The following TRAK1 variants were observed in gnomAD, a reference collection of about 807,000 sequenced individuals.
TRAK1 encodes trafficking kinesin protein 1, also known as trafficking kinesin-binding protein 1.
In TRAK1, 33 loss-of-function variants were observed where a neutral mutation model predicts 92.1. The observed-to-expected ratio is 0.36, with a 90% CI of 0.27 to 0.48. The LOEUF is 0.48. Ranked by LOEUF, TRAK1 falls within the 20% of genes least tolerant of loss-of-function variation. TRAK1 has a pLI of 0.99. For missense variants in TRAK1, 1,123 were observed against 1,257.9 expected, an observed-to-expected ratio of 0.89 and a Z score of 1.62; for synonymous variants, 521 against 517.3, an observed-to-expected ratio of 1.01 and a Z score of -0.10.
intron 1 of TRAK1, among the ~76,000 whole-genome samples, chr3:42,064,368 A>AT (rs1259172863): frequency 1.2e-5 from 1 of 80,558 alleles, no homozygotes; most frequent in Admixed American, 1.4e-4. Flanking sequence ...AGGGATACAA[A>AT]TTAAAAAAAA....
chr3:42,113,481 T>C (rs1355371866), intron 1 of TRAK1, among the ~76,000 whole-genome samples: 1 of 150,312 alleles, frequency 6.7e-6, no homozygotes, highest in Admixed American at 6.6e-5. Context: ...TGGAGCGCAG[T>C]GGCATGATCT....
chr3:42,187,879 G>T (rs969568286), intron 4 of TRAK1, among the ~76,000 whole-genome samples, 166 bp from the exon 5 acceptor site: 6 of 152,184 alleles, frequency 3.9e-5, no homozygotes, highest in African/African-American at 1.4e-4. Flanking sequence ...TAGATTAAAT[G>T]AAAGCCTCTT....
chr3:42,175,884 TC>T (rs2149359284), intron 2 of TRAK1, among the ~76,000 whole-genome samples: 1 of 152,292 alleles, frequency 6.6e-6, no homozygotes, highest in Non-Finnish European at 1.5e-5. Flanking sequence ...ATTTATTTAG[TC>T]CCAAAGTGAC....
At chr3:42,128,024 T>C (rs1216200285) in intron 2 of TRAK1, among the ~76,000 whole-genome samples, 2 of 151,820 alleles carry the variant, frequency 1.3e-5, no homozygotes, top group Non-Finnish European at 2.9e-5. Flanking sequence ...ACTAAAAATA[T>C]AAAAATTAGC....
chr3:42,194,126 G>A (rs7647423), intron 9 of TRAK1, among the ~76,000 whole-genome samples: 8,347 of 152,260 alleles, frequency 0.055, 227 homozygotes, highest in Middle Eastern at 0.075. Flanking sequence ...GCTGAGCCTG[G>A]CACGTGCAGG....
At chr3:42,220,469 G>A in intron 15 of TRAK1, 2 of 985,124 alleles carry the variant, frequency 2.0e-6, no homozygotes, top group South Asian at 4.7e-5. Context: ...CAGCCAGGGA[G>A]CACCTTAAAC....
At chr3:42,057,943 A>G (rs778431103) in intron 1 of TRAK1, among the ~76,000 whole-genome samples, 2 of 152,232 alleles carry the variant, frequency 1.3e-5, no homozygotes, top group Non-Finnish European at 2.9e-5. Context: ...AATGCCTGTA[A>G]ACCTGAACAT....
chr3:42,117,638 T>C lies in TRAK1; in HGVS notation c.92-7782T>C, dbSNP rs1445277775. 2.0e-5 allele frequency among the ~76,000 whole-genome samples: 3 copies of C among 152,124 alleles called. No individual in the cohort carries two copies. The South Asian group carries it at 6.2e-4, about 31-fold the overall frequency. ...GCAGCTACTCAGGTCCCTGTTCTCCTGGGCTTAGAGCCCTCAAGCTCCAGC... is the reference window on the plus strand; with the variant it reads ...GCAGCTACTCAGGTCCCTGTTCTCCCGGGCTTAGAGCCCTCAAGCTCCAGC... On this transcript the variant is annotated intron_variant, in intron 1 of 15. Coordinates refer to ENST00000327628, the MANE Select transcript of TRAK1 (RefSeq NM_001042646.3).
intron 1 of TRAK1, among the ~76,000 whole-genome samples, chr3:42,098,775 CCA>C (rs1214895497): frequency 1.3e-5 from 2 of 152,154 alleles, no homozygotes; most frequent in African/African-American, 4.8e-5. Context: ...GCATGGGAGT[CCA>C]CAGTGTACCC....
intron 1 of TRAK1, among the ~76,000 whole-genome samples, chr3:42,077,276 T>C (rs951000256): frequency 6.6e-6 from 1 of 152,230 alleles, no homozygotes; most frequent in African/African-American, 2.4e-5. Context: ...TCCATGAGCA[T>C]GGAAAGTGTT....
intron 2 of TRAK1, among the ~76,000 whole-genome samples, chr3:42,174,787 G>T (rs1702991035): frequency 6.7e-6 from 1 of 150,234 alleles, no homozygotes; most frequent in Admixed American, 6.6e-5. Context: ...GGCTAGTCTC[G>T]AATTTCTAAC....
intron 7 of TRAK1, among the ~76,000 whole-genome samples, chr3:42,192,205 A>G (rs1352687022): frequency 6.6e-6 from 1 of 151,994 alleles, no homozygotes; most frequent in Non-Finnish European, 1.5e-5. Context: ...CCTGGCCAGA[A>G]TATTGGAATT....
chr3:42,146,530 G>A (rs530383928), intron 2 of TRAK1, among the ~76,000 whole-genome samples: 2 of 152,220 alleles, frequency 1.3e-5, no homozygotes, highest in Admixed American at 1.3e-4. Context: ...ATGCTTTGAG[G>A]AGTTTGCATT....
intron 1 of TRAK1, among the ~76,000 whole-genome samples, chr3:42,064,104 A>G (rs768719184): frequency 4.6e-5 from 7 of 152,162 alleles, no homozygotes; most frequent in East Asian, 1.9e-4. Context: ...CCTTATTACT[A>G]TCTGACCTGA....
chr3:42,149,574 C>T (rs1376982133), intron 2 of TRAK1: 11 of 1,535,966 alleles, frequency 7.2e-6, no homozygotes, highest in Non-Finnish European at 9.6e-6. Context: ...ATGAACTAGA[C>T]TGGTATTATG....
At chr3:42,161,095 T>C (rs1701227557) in intron 2 of TRAK1, among the ~76,000 whole-genome samples, 1 of 152,238 alleles carries the variant, frequency 6.6e-6, no homozygotes, top group Non-Finnish European at 1.5e-5. Context: ...AGCCCAAGGC[T>C]GACATTGAAA....
At chr3:42,035,320 A>G (rs574013125) in intron 1 of TRAK1, among the ~76,000 whole-genome samples, 1 of 152,112 alleles carries the variant, frequency 6.6e-6, no homozygotes, top group South Asian at 2.1e-4. Flanking sequence ...GCTCCTGGTG[A>G]TCTCGCCAGG....
upstream of TRAK1, among the ~76,000 whole-genome samples, chr3:42,086,455 G>A (rs1456940696): frequency 1.3e-5 from 2 of 151,744 alleles, no homozygotes. Flanking sequence ...ACAGGTGCCC[G>A]CTACCATACC....
chr3:42,054,581 A>T (rs1257264798), intron 1 of TRAK1, among the ~76,000 whole-genome samples: 1 of 152,182 alleles, frequency 6.6e-6, no homozygotes, highest in Non-Finnish European at 1.5e-5. Context: ...AGAAGCATTC[A>T]TTCCATTGGA....
Sources: allele counts gnomAD v4.1 joint callset (sites outside exome capture counted in the v4.1 genomes callset), GRCh38; gene constraint gnomAD v4.1.1; transcripts MANE v1.5; gene names NCBI Gene and HGNC (gene_info 2026-07-23, HGNC 2026-07-21).